Variants in ARMH4 observed in about 807,000 individuals in gnomAD.
ARMH4 encodes the protein armadillo-like helical domain-containing protein 4.
A neutral mutation model predicts 61.9 loss-of-function variants in ARMH4; 49 were observed. The observed-to-expected ratio is 0.79, with a 90% CI of 0.63 to 1.00. ARMH4 has a LOEUF of 1.00. Ranked by LOEUF, ARMH4 falls within the 50% of genes least tolerant of loss-of-function variation. The pLI, the probability that ARMH4 is intolerant of heterozygous loss-of-function variation, is 0.00. For synonymous variants in ARMH4, 368 were observed against 341.5 expected (o/e 1.08, Z -0.85); for missense variants, 934 against 930.0 (o/e 1.00, Z -0.06).
chr14:58,047,263 T>C (rs920378405), intron 5 of ARMH4, among the ~76,000 whole-genome samples: 2 of 152,246 alleles, frequency 1.3e-5, no homozygotes, highest in African/African-American at 4.8e-5. Context: ...GTATTTACAT[T>C]TTCATCCAAA....
At chr14:58,013,333 G>C (rs1882480101) in intron 5 of ARMH4, among the ~76,000 whole-genome samples, 1 of 152,072 alleles carries the variant, frequency 6.6e-6, no homozygotes, top group Non-Finnish European at 1.5e-5. Flanking sequence ...ATTAAAATTT[G>C]AATTTCATGT....
chr14:58,014,520 A>C (rs1882530562), intron 5 of ARMH4, among the ~76,000 whole-genome samples: 1 of 152,212 alleles, frequency 6.6e-6, no homozygotes, highest in African/African-American at 2.4e-5. Context: ...TAACAAATGC[A>C]AAGTGTTTAG....
At chr14:58,045,574 C>A (rs10131130) in intron 5 of ARMH4, among the ~76,000 whole-genome samples, 2,611 of 151,502 alleles carry the variant, frequency 0.017, 83 homozygotes, top group African/African-American at 0.058. Context: ...AACAAACCTG[C>A]ACGTTCTGCA....
At chr14:58,096,596 T>C (rs1013837143) in intron 5 of ARMH4, 128 bp downstream of exon 5, 2 of 1,054,492 alleles carry the variant, frequency 1.9e-6, no homozygotes, top group African/African-American at 1.6e-5. Context: ...CCCATAAATG[T>C]AGAAACCACC....
chr14:58,078,724 T>C (rs1042544165), intron 5 of ARMH4, among the ~76,000 whole-genome samples: 2 of 152,208 alleles, frequency 1.3e-5, no homozygotes, highest in Non-Finnish European at 2.9e-5. Context: ...AAAGCAGCCA[T>C]AGAAATAAGT....
At chr14:58,022,555 A>T (rs11621309) in intron 5 of ARMH4, among the ~76,000 whole-genome samples, 37,080 of 152,130 alleles carry the variant, frequency 0.24, 5,003 homozygotes, top group East Asian at 0.56. Context: ...GAGCTCCAGC[A>T]GTAATCCATT....
chr14:58,016,848 T>G (rs1290079703), intron 5 of ARMH4, among the ~76,000 whole-genome samples: 1 of 152,194 alleles, frequency 6.6e-6, no homozygotes, highest in Non-Finnish European at 1.5e-5. Context: ...AAAGGTCATA[T>G]ATGACAAGCC....
At chr14:58,077,140 G>A (rs77378134) in intron 5 of ARMH4, among the ~76,000 whole-genome samples, 369 of 152,282 alleles carry the variant, frequency 2.4e-3, no homozygotes, top group African/African-American at 7.8e-3. Context: ...GCAGGACCAT[G>A]GGAGGCTGAA....
At chr14:58,041,751 T>A (rs1319681007) in intron 5 of ARMH4, among the ~76,000 whole-genome samples, 5 of 151,890 alleles carry the variant, frequency 3.3e-5, no homozygotes, top group Non-Finnish European at 7.4e-5. Context: ...TGGAGGAAGA[T>A]CTACCAAGCA....
intron 5 of ARMH4, among the ~76,000 whole-genome samples, chr14:58,017,490 C>G (rs1025977683): frequency 1.3e-5 from 2 of 151,888 alleles, no homozygotes; most frequent in African/African-American, 4.8e-5. Flanking sequence ...TATATCCTAC[C>G]AACAAATTAT....
At chr14:58,057,453 T>C (rs1403287367) in intron 5 of ARMH4, among the ~76,000 whole-genome samples, 1 of 152,198 alleles carries the variant, frequency 6.6e-6, no homozygotes, top group Non-Finnish European at 1.5e-5. Flanking sequence ...GAAGGATGAA[T>C]TAATTAAGTC....
chr14:58,138,390 G>A lies in ARMH4; in HGVS notation c.969C>T (p.Ser323=), dbSNP rs755920384. The change falls in exon 2 of 8, where the codon AGC becomes AGT. Residue 323 remains serine (S), a synonymous_variant. Transcript: ENST00000267485. The part of the protein sequence containing the change: ...EWDDTKLESV[S]RIRTPKLGDN... ...CTCCAAGCTTGGGGGTCCTTATCCG[G>A]CTTACACTCTCTAATTTGGTGTCAT... 1 of 1,614,152 alleles carries A rather than the reference G, an allele frequency of 6.2e-7. No individual in the cohort carries two copies. The highest frequency in any genetic ancestry group is 2.2e-5 in the East Asian group (1 of 44,880).
At chr14:58,116,429 C>G (rs765550894) in intron 4 of ARMH4, 119 of 388,890 alleles carry the variant, frequency 3.1e-4, no homozygotes, top group African/African-American at 1.3e-3. Context: ...AATTCCAACA[C>G]TTTGGGAGGC....
chr14:58,049,556 C>T (rs1306206862), intron 5 of ARMH4, among the ~76,000 whole-genome samples: 1 of 152,164 alleles, frequency 6.6e-6, no homozygotes, highest in Non-Finnish European at 1.5e-5. Context: ...TTTGATTAAG[C>T]TTCTGCAAAC....
intron 5 of ARMH4, among the ~76,000 whole-genome samples, chr14:58,064,820 A>G (rs904285108): frequency 7.2e-5 from 11 of 152,228 alleles, no homozygotes; most frequent in Non-Finnish European, 1.6e-4. Flanking sequence ...GTATGTTGTC[A>G]GCCAGAGTAC....
intron 4 of ARMH4, among the ~76,000 whole-genome samples, chr14:58,127,957 C>T (rs1034041789): frequency 2.0e-5 from 3 of 152,186 alleles, no homozygotes; most frequent in African/African-American, 7.2e-5. Context: ...AACCTACTAT[C>T]TGACACAAAT....
chr14:58,129,285 G>A (rs138656667), intron 4 of ARMH4, among the ~76,000 whole-genome samples: 33 of 152,220 alleles, frequency 2.2e-4, no homozygotes, highest in African/African-American at 6.0e-4. Context: ...ACAGAGCTGC[G>A]GATTCAGAAA....
Position 58,139,021 on chromosome 14 carries a change from G to A in ARMH4, c.338C>T (p.Thr113Ile), listed in dbSNP as rs138078148. 160 of 1,614,122 alleles carry A rather than the reference G, an allele frequency of 9.9e-5. No homozygotes were observed. The highest frequency in any genetic ancestry group is 1.3e-4 in the Non-Finnish European group (152 of 1,180,056). ...TGAGGGGACACCTGACTCAGTAGGT[G>A]TGGAAACACCAGGGCGTTCTGTTTG... is the stretch of plus-strand genomic sequence containing the variant. Reference protein sequence around the residue: ...LMQTERPGVSTPTESGVPSAE... With the variant: ...LMQTERPGVSIPTESGVPSAE... The change falls in exon 2 of 8, where the codon ACA becomes ATA. Residue 113 changes from threonine to isoleucine, a missense_variant. Coordinates refer to ENST00000267485, the MANE Select transcript of ARMH4 (RefSeq NM_001001872.4).
chr14:58,082,303 C>T (rs1239118317), intron 5 of ARMH4, among the ~76,000 whole-genome samples: 1 of 152,196 alleles, frequency 6.6e-6, no homozygotes. Flanking sequence ...ACCAAGGCTC[C>T]AGCGGCTCAC....
Sources: allele counts gnomAD v4.1 joint callset (sites outside exome capture counted in the v4.1 genomes callset), GRCh38; gene constraint gnomAD v4.1.1; transcripts MANE v1.5; gene names NCBI Gene and HGNC (gene_info 2026-07-23, HGNC 2026-07-21).